The following ANKHD1 variants were observed in gnomAD, a reference collection of about 807,000 sequenced individuals.
The protein encoded by ANKHD1 is ankyrin repeat and KH domain containing 1.
A neutral mutation model predicts 230.5 loss-of-function variants in ANKHD1; 31 were observed. That is an observed-to-expected ratio of 0.13 (90% confidence interval 0.10 to 0.18). The LOEUF (loss-of-function observed/expected upper bound fraction) is 0.18, where lower values mean the gene tolerates loss of function less well. Among genes scored for constraint, ANKHD1 ranks in the 10% least tolerant of loss-of-function variants. ANKHD1 has a pLI of 1.00. For synonymous variants in ANKHD1, 1,074 were observed against 1,117.6 expected, an observed-to-expected ratio of 0.96 and a Z score of 0.78; for missense variants, 2,256 against 3,071.3, an observed-to-expected ratio of 0.73 and a Z score of 6.27.
intron 6 of ANKHD1, among the ~76,000 whole-genome samples, chr5:140,448,127 G>A (rs1774434182): frequency 6.6e-6 from 1 of 152,158 alleles, no homozygotes; most frequent in African/African-American, 2.4e-5. Flanking sequence ...TTGAGCCTTG[G>A]AGTTTGAGGC....
chr5:140,526,263 C>G lies in ANKHD1; in HGVS notation c.4760C>G (p.Ala1587Gly). The change falls in exon 26 of 34, where the codon GCA becomes GGA. Residue 1587 changes from alanine to glycine, a missense_variant. Coordinates refer to ENST00000360839, the MANE Select transcript of ANKHD1 (RefSeq NM_017747.3). ...AATGGAGAACCTAGAGGTGGTGGTGCAGGTGGGAATAGTGATTCAGATAAC... is the reference window on the plus strand; with the variant it reads ...AATGGAGAACCTAGAGGTGGTGGTGGAGGTGGGAATAGTGATTCAGATAAC... The part of the protein sequence containing the change: ...KINGEPRGGG[A>G]GGNSDSDNLD... 1 of 1,614,158 alleles carries G rather than the reference C, an allele frequency of 6.2e-7. No homozygotes were observed. Among genetic ancestry groups the G allele is most frequent in the Admixed American group, 1.7e-5 (1 of 60,004 alleles).
chr5:140,464,308 C>T (rs996647786), intron 9 of ANKHD1, among the ~76,000 whole-genome samples: 10 of 151,858 alleles, frequency 6.6e-5, no homozygotes, highest in African/African-American at 1.5e-4. Context: ...AATAATTGCT[C>T]ATTTGATTTA....
intron 7 of ANKHD1, among the ~76,000 whole-genome samples, chr5:140,457,412 T>G (rs552140298): frequency 6.6e-6 from 1 of 152,348 alleles, no homozygotes; most frequent in African/African-American, 2.4e-5. Context: ...CACATATGTT[T>G]ATTGCGGCAC....
intron 5 of ANKHD1, among the ~76,000 whole-genome samples, chr5:140,444,205 A>T (rs1014735989): frequency 6.6e-6 from 1 of 150,400 alleles, no homozygotes; most frequent in Non-Finnish European, 1.5e-5. Flanking sequence ...CCATGTGGCC[A>T]TTTCAGACAT....
intron 2 of ANKHD1, 73 bp from the exon 3 acceptor site, chr5:140,438,388 T>A: frequency 1.4e-6 from 2 of 1,444,272 alleles, no homozygotes; most frequent in Non-Finnish European, 1.8e-6. Context: ...TTTAGAAATA[T>A]AATTACAATT....
chr5:140,445,271 C>T (rs554284816), intron 5 of ANKHD1, among the ~76,000 whole-genome samples: 131 of 152,050 alleles, frequency 8.6e-4, no homozygotes, highest in African/African-American at 3.0e-3. Context: ...TTTGGGAGGC[C>T]GAGGCGGGTG....
chr5:140,440,350 T>C, intron 4 of ANKHD1, 84 bp downstream of exon 4: 1 of 1,469,562 alleles, frequency 6.8e-7, no homozygotes, highest in Non-Finnish European at 9.0e-7. Context: ...AGATAGATTA[T>C]AATTAGAGGC....
rs1751474649 is a variant in ANKHD1 at position 140,485,749 on chromosome 5, C to G, written c.2142+17C>G. The G allele has an allele frequency of 6.2e-7, 1 of 1,608,994 alleles. No homozygotes were observed. The highest frequency in any genetic ancestry group is 1.3e-5 in the African/African-American group (1 of 74,608). On this transcript the variant is annotated intron_variant, in intron 13 of 33. Coordinates refer to ENST00000360839, the MANE Select transcript of ANKHD1 (RefSeq NM_017747.3). The surrounding 1 kb of genome is among the most constrained non-coding windows in gnomAD (Gnocchi z 4.8). The stretch of plus-strand genomic sequence containing the variant: ...CAGTCTCAGGTAAAGTAAAATGGAG[C>G]TTGTTTGTTAATATAAATATTCTTC...
intron 10 of ANKHD1, among the ~76,000 whole-genome samples, chr5:140,467,598 A>AT (rs913973537): frequency 1.4e-4 from 22 of 152,288 alleles, no homozygotes; most frequent in Admixed American, 1.4e-3. Flanking sequence ...TCTTAAAATA[A>AT]TTTTTTAGGA....
At chr5:140,483,057 G>T (rs1581321354) in intron 11 of ANKHD1, among the ~76,000 whole-genome samples, 1 of 152,118 alleles carries the variant, frequency 6.6e-6, no homozygotes, top group Non-Finnish European at 1.5e-5. Context: ...AACTGAGTTT[G>T]TAAGGGTCTT....
At chr5:140,405,005 GTGTGTGTGTA>G (rs746441780) in intron 1 of ANKHD1, among the ~76,000 whole-genome samples, 10 of 130,636 alleles carry the variant, frequency 7.7e-5, no homozygotes, top group South Asian at 2.5e-4. Context: ...GTGTGTGTGT[GTGTGTGTGTA>G]TGTGTAATGG....
chr5:140,427,558 C>T (rs1379957314), intron 1 of ANKHD1, among the ~76,000 whole-genome samples: 6 of 145,336 alleles, frequency 4.1e-5, no homozygotes, highest in African/African-American at 1.5e-4. Flanking sequence ...GCTGACCCCC[C>T]CACCTCCCTT....
In ANKHD1 at chr5:140,539,464, C is replaced by G. The variant is rs1754211339; in HGVS notation, c.*46C>G. 6.4e-7 allele frequency: 1 copy of G among 1,559,782 alleles called. No individual in the cohort carries two copies. The highest frequency in any genetic ancestry group is 1.4e-5 in the African/African-American group (1 of 72,468). On this transcript the variant is annotated 3_prime_UTR_variant, in exon 34 of 34. Transcript: ENST00000360839. ...TAGCCTTGTTTAAGAAACCTATGAC[C>G]TTGGAAGAACCATGGGGATTTTTTT... is the stretch of plus-strand genomic sequence containing the variant.
chr5:140,539,231 C>A, intron 33 of ANKHD1, 128 bp from the exon 34 acceptor site: 1 of 1,539,204 alleles, frequency 6.5e-7, no homozygotes, highest in South Asian at 1.3e-5. Flanking sequence ...TGCTACTGAA[C>A]ACTTTATTTA....
At chr5:140,495,138 A>G (rs1272812612) in intron 14 of ANKHD1, among the ~76,000 whole-genome samples, 5 of 152,080 alleles carry the variant, frequency 3.3e-5, no homozygotes, top group Admixed American at 2.6e-4. Context: ...GAATTACACA[A>G]TGTGTGGTCT....
At chr5:140,427,763 C>G (rs1363767529) in intron 1 of ANKHD1, among the ~76,000 whole-genome samples, 2 of 149,068 alleles carry the variant, frequency 1.3e-5, no homozygotes, top group African/African-American at 5.0e-5. Flanking sequence ...GGCGGCTGGC[C>G]GGGCGGGGGG....
intron 24 of ANKHD1, among the ~76,000 whole-genome samples, chr5:140,516,570 A>G (rs539701771): frequency 1.2e-3 from 178 of 152,352 alleles, no homozygotes; most frequent in Middle Eastern, 6.8e-3. Flanking sequence ...AGGGAAGCCC[A>G]TCAGACTAAC....
chr5:140,468,049 ATTCTTTTTTTTTTTTTTTTT>A (rs1776221883), intron 10 of ANKHD1, among the ~76,000 whole-genome samples: 1 of 92,792 alleles, frequency 1.1e-5, no homozygotes, highest in Non-Finnish European at 2.0e-5. Flanking sequence ...AAGTGTACTA[ATTCTTTTTTTTTTTTTTTTT>A]TTTTTTTTTT....
In ANKHD1 at chr5:140,526,538, T is replaced by C. The variant is rs1289812758; in HGVS notation, c.4940+95T>C. Reference sequence around the variant, plus strand: ...TATATTAATCCAAGTACAAGTTGTGTTAAACAATTGAAGTCTACCACATTA... The same window carrying C: ...TATATTAATCCAAGTACAAGTTGTGCTAAACAATTGAAGTCTACCACATTA... On this transcript the variant is annotated intron_variant, in intron 26 of 33. Transcript: ENST00000360839. 1.2e-5 allele frequency: 18 copies of C among 1,445,472 alleles called. 1 individual carries two copies. The highest frequency in any genetic ancestry group is 1.0e-4 in the South Asian group (7 of 70,030). The allele number at this position is 1,445,472 out of a possible 1,614,324, so 89.5% of individuals were successfully genotyped here. A position where few individuals can be genotyped will look rare whatever the true frequency, so the allele number is the denominator to read the frequency against.
Sources: gnomAD v4.1 joint callset for allele counts (sites outside exome capture counted in the v4.1 genomes callset) on GRCh38, gnomAD v4.1.1 for gene constraint, Gnocchi (gnomAD v3.1) non-coding constraint, MANE v1.5 for transcripts, NCBI Gene and HGNC (gene_info 2026-07-23, HGNC 2026-07-21) for gene names.